Variants in AGTRAP observed in about 807,000 individuals in gnomAD.
The protein encoded by AGTRAP is type-1 angiotensin II receptor-associated protein.
A neutral mutation model predicts 15.2 loss-of-function variants in AGTRAP; 7 were observed. That is an observed-to-expected ratio of 0.46 (90% CI 0.26 to 0.87). The LOEUF (loss-of-function observed/expected upper bound fraction) is 0.87, where lower values mean the gene tolerates loss of function less well. Ranked by LOEUF, AGTRAP falls within the 40% of genes least tolerant of loss-of-function variation. The pLI, the probability that AGTRAP is intolerant of heterozygous loss-of-function variation, is 0.15. For missense variants in AGTRAP, 187 were observed against 213.4 expected (o/e 0.88, Z 0.77); for synonymous variants, 74 against 89.6 (o/e 0.83, Z 0.98).
intron 3 of AGTRAP, 67 bp from the exon 4 acceptor site, chr1:11,748,348 G>A: frequency 6.5e-7 from 1 of 1,533,478 alleles, no homozygotes; most frequent in East Asian, 2.3e-5. Context: ...TTCCCATCCG[G>A]TGTGTGGCGG....
intron 2 of AGTRAP, chr1:11,746,245 C>T (rs376402294): frequency 1.8e-5 from 28 of 1,569,796 alleles, no homozygotes; most frequent in Non-Finnish European, 2.4e-5. Flanking sequence ...GAACTGTAAC[C>T]ATCATGATTC....
chr1:11,736,167 C>A lies in AGTRAP; in HGVS notation c.-42C>A, dbSNP rs1023323481. ...GTTCCCCGAGTTCGGAGCCTAGGAGCCCCCCGCGGCTGCGGCGCAGGTGCC... is the reference window on the plus strand; with the variant it reads ...GTTCCCCGAGTTCGGAGCCTAGGAGACCCCCGCGGCTGCGGCGCAGGTGCC... On this transcript the variant is annotated 5_prime_UTR_variant, in exon 1 of 5. Transcript: ENST00000314340. 5 of 1,584,828 alleles carry A rather than the reference C, an allele frequency of 3.2e-6. No homozygotes were observed. The highest frequency in any genetic ancestry group is 1.3e-5 in the African/African-American group (1 of 74,716).
chr1:11,744,445 C>T (rs1323299848), intron 1 of AGTRAP: 10 of 681,396 alleles, frequency 1.5e-5, no homozygotes, highest in Non-Finnish European at 2.2e-5. Flanking sequence ...TTCCCGAGGC[C>T]CTCAGGCCCC....
rs1051078639 is a variant in AGTRAP at position 11,746,529 on chromosome 1, G to T, written c.62+692G>T. 3.7e-5 allele frequency: 11 copies of T among 297,546 alleles called. No individual in the cohort carries two copies. In the East Asian group the frequency reaches 3.7e-4, roughly 10 times the overall value. The allele number at this position is 297,546 out of a possible 1,614,324, so 18.4% of individuals were successfully genotyped here. A position where few individuals can be genotyped will look rare whatever the true frequency, so the allele number is the denominator to read the frequency against. On this transcript the variant is annotated intron_variant, in intron 2 of 4. Transcript: ENST00000314340. ...CCCAGTGGGTTTGGTAATAAATGAG[G>T]TAGACTCAGTCCCTGTCCCCCTGAG...
chr1:11,747,292 C>T (rs961649113), intron 2 of AGTRAP, 148 bp from the exon 3 acceptor site: 49 of 723,132 alleles, frequency 6.8e-5, no homozygotes, highest in Middle Eastern at 5.2e-4. Flanking sequence ...GGGTGGGAGG[C>T]GGAGCCCATG....
chr1:11,736,279 G>A (rs1347537680), intron 1 of AGTRAP, 44 bp downstream of exon 1: 1 of 1,593,884 alleles, frequency 6.3e-7, no homozygotes, highest in Non-Finnish European at 8.5e-7. Context: ...GGGAGGAAGT[G>A]GGACATTTGC....
chr1:11,740,280 G>A (rs1233885814), intron 1 of AGTRAP, among the ~76,000 whole-genome samples: 13 of 152,254 alleles, frequency 8.5e-5, no homozygotes, highest in Non-Finnish European at 1.3e-4. Flanking sequence ...TGCAGGGCCC[G>A]TTTGGCTCAG....
At chr1:11,744,687 C>CAGAT in intron 1 of AGTRAP, 1 of 611,024 alleles carries the variant, frequency 1.6e-6, no homozygotes, top group Non-Finnish European at 3.0e-6. Context: ...CAATCCAGAC[C>CAGAT]CCAAGAGAGG....
chr1:11,736,376 AAGG>A, intron 1 of AGTRAP, 141 bp downstream of exon 1: 1 of 1,198,084 alleles, frequency 8.3e-7, no homozygotes, highest in Non-Finnish European at 1.2e-6. Flanking sequence ...CCCACGCAAG[AAGG>A]AGATGGGCAG....
chr1:11,737,336 C>T (rs976953293), intron 1 of AGTRAP, among the ~76,000 whole-genome samples: 1 of 152,116 alleles, frequency 6.6e-6, no homozygotes, highest in Admixed American at 6.6e-5. Context: ...TGACAGCAGC[C>T]GAGGCTTGTT....
chr1:11,748,591 T>C lies in AGTRAP; in HGVS notation c.345T>C (p.Gly115=), dbSNP rs138716315. 3.7e-6 allele frequency: 6 copies of C among 1,608,064 alleles called. No homozygotes were observed. In the Admixed American group the frequency reaches 1.0e-4, roughly 27 times the overall value. The change falls in exon 4 of 5, where the codon GGT becomes GGC. Residue 115 remains glycine, a synonymous_variant. Coordinates refer to ENST00000314340, the MANE Select transcript of AGTRAP (RefSeq NM_020350.5). ...ACCACATGTACCGGGAGCGCGGGGG[T>C]GAGCTCCTGGTCCACACTGGTGAGG... ...FVYHMYRERG[G]ELLVHTGFLG...
intron 4 of AGTRAP, 49 bp from the exon 5 acceptor site, chr1:11,750,028 G>A (rs374831274): frequency 6.7e-5 from 100 of 1,489,512 alleles, no homozygotes; most frequent in Middle Eastern, 1.7e-4. Context: ...TGAACATCCC[G>A]AGTTCTCACC....
Position 11,748,409 on chromosome 1 carries a change from T to A in AGTRAP, c.169-6T>A. On this transcript the variant is annotated splice_polypyrimidine_tract_variant and splice_region_variant and intron_variant, in intron 3 of 4. Transcript: ENST00000314340. ...GTTGTGCTCATCAGTGTGGTGTGTC[T>A]TGCAGTTTCTGGGTGGCTTGCTGGC... 2.5e-6 allele frequency: 4 copies of A among 1,612,918 alleles called. No individual in the cohort carries two copies. The highest frequency in any genetic ancestry group is 3.4e-6 in the Non-Finnish European group (4 of 1,179,518).
chr1:11,736,955 G>A (rs551576162), intron 1 of AGTRAP, among the ~76,000 whole-genome samples: 1 of 152,246 alleles, frequency 6.6e-6, no homozygotes, highest in East Asian at 1.9e-4. Context: ...TGCATTAGAG[G>A]GGCTAGGGGC....
rs898420016 is a variant in AGTRAP at position 11,750,179 on chromosome 1, C to T, written c.467C>T (p.Ala156Val). 1.9e-6 allele frequency: 3 copies of T among 1,613,308 alleles called. No homozygotes were observed. Among genetic ancestry groups the T allele is most frequent in the African/African-American group, 1.3e-5 (1 of 74,932 alleles). Residue 156 changes from alanine (A) to valine (V), a missense_variant, in exon 5 of 5, where the codon GCC becomes GTC. Coordinates refer to ENST00000314340, the MANE Select transcript of AGTRAP (RefSeq NM_020350.5). ...GTCCCAGAGGGCAGGAGTCAAGATGCCCGAGGGTACTGAAGCCAGCCACGC... is the reference window on the plus strand; with the variant it reads ...GTCCCAGAGGGCAGGAGTCAAGATGTCCGAGGGTACTGAAGCCAGCCACGC... ...FAVPEGRSQD[A>V]RGY
chr1:11,736,386 G>A, intron 1 of AGTRAP, 151 bp downstream of exon 1: 1 of 1,114,322 alleles, frequency 9.0e-7, no homozygotes, highest in South Asian at 1.5e-5. Flanking sequence ...AAGGAGATGG[G>A]CAGGCAGGCC....
chr1:11,739,287 A>G (rs1353371295), intron 1 of AGTRAP, among the ~76,000 whole-genome samples: 2 of 152,200 alleles, frequency 1.3e-5, no homozygotes, highest in Admixed American at 6.5e-5. Context: ...GTGGTGGCTC[A>G]CACCTGTAAT....
chr1:11,743,566 TTCC>T lies in AGTRAP; in HGVS notation c.28-2235_28-2233del, dbSNP rs145232702. 1.3e-4 allele frequency among the ~76,000 whole-genome samples: 16 copies of T among 125,910 alleles called. 2 individuals are homozygous for T. Among genetic ancestry groups the T allele is most frequent in the Admixed American group, 1.7e-4 (2 of 11,490 alleles). 82.6% of individuals were successfully genotyped at this position (125,910 alleles called of 152,430 possible). On this transcript the variant is annotated intron_variant, in intron 1 of 4. Coordinates refer to ENST00000314340, the MANE Select transcript of AGTRAP (RefSeq NM_020350.5). ...CAGCCCATCTGCCCTTTTTCTTTCT[TTCC>T]TTTTTTTTTTTTTTGAGGCGGAGGT... is the stretch of plus-strand genomic sequence containing the variant.
chr1:11,737,553 C>T (rs1219596548), intron 1 of AGTRAP, among the ~76,000 whole-genome samples: 1 of 152,166 alleles, frequency 6.6e-6, no homozygotes, highest in East Asian at 1.9e-4. Flanking sequence ...CATCTTTTTA[C>T]AGATGAGCAA....
Sources: allele counts gnomAD v4.1 joint callset (sites outside exome capture counted in the v4.1 genomes callset), GRCh38; gene constraint gnomAD v4.1.1; transcripts MANE v1.5; gene names NCBI Gene and HGNC (gene_info 2026-07-23, HGNC 2026-07-21).